The following RBFOX1 variants were observed in gnomAD, a reference collection of about 807,000 sequenced individuals.
The protein encoded by RBFOX1 is RNA binding fox-1 homolog 1, also known as RNA binding protein fox-1 homolog 1.
Under a neutral mutation model 57.7 loss-of-function variants are expected in RBFOX1, and 8 were observed. The ratio of observed to expected loss-of-function variants is 0.14; its 90% CI spans 0.08 to 0.25. RBFOX1 has a LOEUF of 0.25. Among genes scored for constraint, RBFOX1 ranks in the 10% least tolerant of loss-of-function variants. The pLI is 1.00. For missense variants in RBFOX1, 611 were observed against 548.5 expected (o/e 1.11, Z -1.14); for synonymous variants, 326 against 222.4 (o/e 1.47, Z -4.15).
chr16:7,156,978 C>T (rs150788977), intron 4 of RBFOX1, among the ~76,000 whole-genome samples: 2 of 152,288 alleles, frequency 1.3e-5, no homozygotes, highest in East Asian at 1.9e-4. Context: ...AAAACACTTC[C>T]CTTATAACAA....
intron 2 of RBFOX1, among the ~76,000 whole-genome samples, chr16:6,652,315 G>C (rs370418621): frequency 6.6e-6 from 1 of 152,090 alleles, no homozygotes; most frequent in East Asian, 1.9e-4. Flanking sequence ...GGGGGTTGTG[G>C]TGCATGTCGG....
intron 4 of RBFOX1, among the ~76,000 whole-genome samples, chr16:5,872,136 G>A (rs2057489716): frequency 6.6e-6 from 1 of 152,198 alleles, no homozygotes; most frequent in South Asian, 2.1e-4. Flanking sequence ...AGACACCAGT[G>A]CGTTTGAGAA....
chr16:5,530,283 G>T (rs1300433786), intron 2 of RBFOX1, among the ~76,000 whole-genome samples: 1 of 152,122 alleles, frequency 6.6e-6, no homozygotes, highest in African/African-American at 2.4e-5. Context: ...CTTCTTAACT[G>T]CTTCTTTTGT....
At chr16:6,528,796 A>G (rs1462762216) in intron 2 of RBFOX1, among the ~76,000 whole-genome samples, 2 of 152,104 alleles carry the variant, frequency 1.3e-5, no homozygotes, top group African/African-American at 4.8e-5. Flanking sequence ...TCAACCCACT[A>G]GGTGACAGTA....
At chr16:6,541,778 A>G (rs1289917202) in intron 2 of RBFOX1, among the ~76,000 whole-genome samples, 1 of 152,150 alleles carries the variant, frequency 6.6e-6, no homozygotes, top group Non-Finnish European at 1.5e-5. Flanking sequence ...GGACATAAAT[A>G]TGAGGACTAG....
chr16:7,217,932 G>C (rs2092360785), intron 4 of RBFOX1, among the ~76,000 whole-genome samples: 1 of 151,382 alleles, frequency 6.6e-6, no homozygotes, highest in African/African-American at 2.4e-5. Flanking sequence ...GTAGGTGTGT[G>C]CGTGCATGTG....
chr16:7,507,587 G>A (rs1323699182), intron 4 of RBFOX1, among the ~76,000 whole-genome samples: 1 of 110,710 alleles, frequency 9.0e-6, no homozygotes, highest in African/African-American at 3.8e-5. Context: ...TTTTTGAGAC[G>A]GAGTCTTGCT....
At chr16:6,940,734 A>G (rs2078237972) in intron 3 of RBFOX1, among the ~76,000 whole-genome samples, 1 of 149,662 alleles carries the variant, frequency 6.7e-6, no homozygotes, top group Non-Finnish European at 1.5e-5. Context: ...AGTAGCTGGG[A>G]CTACAGGCGC....
At chr16:5,824,341 T>C (rs896826274) in intron 3 of RBFOX1, among the ~76,000 whole-genome samples, 1 of 152,150 alleles carries the variant, frequency 6.6e-6, no homozygotes, top group African/African-American at 2.4e-5. Context: ...AGTGTGTCCT[T>C]CTTACAGTCA....
chr16:6,148,370 C>T (rs769502544), intron 1 of RBFOX1, among the ~76,000 whole-genome samples: 1 of 152,156 alleles, frequency 6.6e-6, no homozygotes, highest in Admixed American at 6.5e-5. Context: ...GGTCATACTT[C>T]CTTGTTCATT....
chr16:6,873,921 T>C (rs931166291), intron 3 of RBFOX1: 11 of 152,132 alleles, frequency 7.2e-5, no homozygotes, highest in Admixed American at 1.3e-4. Flanking sequence ...GCAGCACATA[T>C]ACTAACATTG....
At chr16:7,383,223 A>G (rs1455208489) in intron 4 of RBFOX1, among the ~76,000 whole-genome samples, 1 of 151,818 alleles carries the variant, frequency 6.6e-6, no homozygotes, top group African/African-American at 2.4e-5. Flanking sequence ...AAAACATCTC[A>G]TGTATCCCAT....
chr16:6,841,680 T>G (rs12444330), intron 3 of RBFOX1, among the ~76,000 whole-genome samples: 72,443 of 151,744 alleles, frequency 0.48, 18,393 homozygotes, highest in East Asian at 0.74. Flanking sequence ...TAGCCCTCTG[T>G]GGAAAATGAT....
At chr16:6,436,489 T>C (rs2094237585) in intron 2 of RBFOX1, among the ~76,000 whole-genome samples, 1 of 151,094 alleles carries the variant, frequency 6.6e-6, no homozygotes, top group Non-Finnish European at 1.5e-5. Flanking sequence ...ATTTTGACAG[T>C]ATCCTGCCTG....
In RBFOX1 at chr16:7,487,670, C is replaced by T. The variant is rs558421725; in HGVS notation, c.28-30477C>T. On this transcript the variant is annotated intron_variant, in intron 4 of 15. Transcript: ENST00000550418. Reference sequence around the variant, plus strand: ...ACACGCACTGAGACCGAGCACCACACGCACAGACACTCACACACACACATG... The same window carrying T: ...ACACGCACTGAGACCGAGCACCACATGCACAGACACTCACACACACACATG... Among the ~76,000 whole-genome samples, 7 of 152,256 alleles carry T rather than the reference C, an allele frequency of 4.6e-5. No individual in the cohort carries two copies. In the East Asian group the frequency reaches 7.7e-4, roughly 17 times the overall value.
chr16:6,562,839 T>A (rs1000645919), intron 2 of RBFOX1, among the ~76,000 whole-genome samples: 12 of 39,074 alleles, frequency 3.1e-4, no homozygotes, highest in African/African-American at 1.8e-3. Flanking sequence ...TTCTTTTCTT[T>A]CTTTCTTTCT....
At chr16:5,300,128 A>C (rs1462794642) in intron 1 of RBFOX1, among the ~76,000 whole-genome samples, 1 of 152,060 alleles carries the variant, frequency 6.6e-6, no homozygotes, top group African/African-American at 2.4e-5. Context: ...GTCATGAACC[A>C]ATCTTACATT....
chr16:7,019,594 T>C (rs1302211542), intron 3 of RBFOX1, among the ~76,000 whole-genome samples: 1 of 152,128 alleles, frequency 6.6e-6, no homozygotes, highest in Non-Finnish European at 1.5e-5. Flanking sequence ...GTTCTGTGAA[T>C]ACGTAGTTTC....
chr16:6,953,896 T>C (rs1264621531), intron 3 of RBFOX1, among the ~76,000 whole-genome samples: 10 of 152,032 alleles, frequency 6.6e-5, no homozygotes, highest in Non-Finnish European at 1.2e-4. Flanking sequence ...TGACGTAAAG[T>C]TTTTTTTGGT....
Sources: gnomAD v4.1 joint callset for allele counts (sites outside exome capture counted in the v4.1 genomes callset) on GRCh38, gnomAD v4.1.1 for gene constraint, MANE v1.5 for transcripts, NCBI Gene and HGNC (gene_info 2026-07-23, HGNC 2026-07-21) for gene names.